The following KCNC1 variants were observed in gnomAD, a reference collection of about 807,000 sequenced individuals.
KCNC1 encodes voltage-gated potassium channel KCNC1.
In KCNC1, 8 loss-of-function variants were observed where a neutral mutation model predicts 43.4. The ratio of observed to expected loss-of-function variants is 0.18; its 90% CI spans 0.11 to 0.33. KCNC1 has a LOEUF of 0.33. KCNC1 is among the 10% of genes least tolerant of loss of function. The pLI is 1.00. For missense variants in KCNC1, 420 were observed against 836.0 expected (o/e 0.50, Z 6.14); for synonymous variants, 361 against 360.5 (o/e 1.00, Z -0.01).
At chr11:17,769,792 CAGGAG>C (rs1849201566) in intron 1 of KCNC1, among the ~76,000 whole-genome samples, 1 of 152,142 alleles carries the variant, frequency 6.6e-6, no homozygotes, top group Admixed American at 6.6e-5. Context: ...GATAGTGGCT[CAGGAG>C]ACAGTTTTCT....
intron 1 of KCNC1, among the ~76,000 whole-genome samples, chr11:17,740,740 C>T (rs958789119): frequency 6.6e-6 from 1 of 152,102 alleles, no homozygotes; most frequent in Non-Finnish European, 1.5e-5. Flanking sequence ...CTGGGGAAGC[C>T]CCACCTCCAT....
At position 17,736,070 on chromosome 11, in the gene KCNC1, G is replaced by T. The variant is rs1158193192; in HGVS notation, c.68G>T (p.Arg23Leu). 1 of 1,598,028 alleles carries T rather than the reference G, an allele frequency of 6.3e-7. No individual in the cohort carries two copies. The highest frequency in any genetic ancestry group is 8.5e-7 in the Non-Finnish European group (1 of 1,172,782). The change falls in exon 1 of 4, where the codon CGC (arginine) becomes CTC (leucine). Residue 23 changes from arginine to leucine, a missense_variant. Arg to Leu is a moderately radical substitution (Grantham distance 102). Transcript: ENST00000265969. This position sits in a 1 kb window ranked among gnomAD's most constrained non-coding sequence, Gnocchi z 9.3. ...NVGGTRHQTYRSTLRTLPGTR... is the reference protein window; with the variant it reads ...NVGGTRHQTYLSTLRTLPGTR... ...GGCGGCACGCGCCACCAGACGTACC[G>T]CTCGACCCTGCGCACGCTGCCCGGC...
At chr11:17,775,603 G>A in intron 2 of KCNC1, 1 of 985,610 alleles carries the variant, frequency 1.0e-6, no homozygotes, top group Non-Finnish European at 1.2e-6. Context: ...TGCATCTGCA[G>A]TCGGATGCCC....
At chr11:17,741,322 C>T (rs143473828) in intron 1 of KCNC1, among the ~76,000 whole-genome samples, 2,237 of 151,642 alleles carry the variant, frequency 0.015, 29 homozygotes, top group Non-Finnish European at 0.02. Flanking sequence ...ACCGTCCTCA[C>T]GAGGTTGGTG....
intron 2 of KCNC1, chr11:17,775,041 C>T (rs1435599321): frequency 3.0e-6 from 3 of 985,356 alleles, no homozygotes; most frequent in Admixed American, 1.2e-4. Flanking sequence ...AGCCATGCAC[C>T]TAGATGGGCA....
chr11:17,766,431 GATCACTC>G (rs1413440222), intron 1 of KCNC1, among the ~76,000 whole-genome samples: 1 of 152,176 alleles, frequency 6.6e-6, no homozygotes, highest in African/African-American at 2.4e-5. Context: ...TTGGGAAGCA[GATCACTC>G]ATGTGGGAAG....
At chr11:17,753,310 C>T (rs1036291840) in intron 1 of KCNC1, among the ~76,000 whole-genome samples, 11 of 152,244 alleles carry the variant, frequency 7.2e-5, no homozygotes, top group Non-Finnish European at 1.5e-5. Flanking sequence ...CCTAGCATAG[C>T]AGGTGGTGCC....
rs749524792 is a variant in KCNC1, at chr11:17,773,186, G to A, written c.1504+588G>A. Reference sequence around the variant, plus strand: ...GCCCTGATTTCGGGCTGCCCAGCTCGAGGTCCTTCCCAGGAGACGCCTGTA... The same window carrying A: ...GCCCTGATTTCGGGCTGCCCAGCTCAAGGTCCTTCCCAGGAGACGCCTGTA... On this transcript the variant is annotated intron_variant, in intron 2 of 3. Transcript: ENST00000265969. This position sits in a 1 kb window ranked among gnomAD's most constrained non-coding sequence, Gnocchi z 4.1. 1.4e-4 allele frequency: 141 copies of A among 986,494 alleles called. No homozygotes were observed. Among genetic ancestry groups the A allele is most frequent in the Non-Finnish European group, 1.6e-4 (133 of 830,858 alleles). 61.1% of individuals were successfully genotyped at this position (986,494 alleles called of 1,614,324 possible). A position where few individuals can be genotyped will look rare whatever the true frequency, so the allele number is the denominator to read the frequency against.
chr11:17,769,104 C>T (rs949525564), intron 1 of KCNC1, among the ~76,000 whole-genome samples: 2 of 152,354 alleles, frequency 1.3e-5, no homozygotes, highest in Middle Eastern at 3.4e-3. Context: ...CTCTCAAGTG[C>T]GCCCACATTA....
chr11:17,759,072 C>T (rs1252633357), intron 1 of KCNC1, among the ~76,000 whole-genome samples: 2 of 152,260 alleles, frequency 1.3e-5, no homozygotes, highest in Non-Finnish European at 2.9e-5. Flanking sequence ...GGTGTAGCCA[C>T]TTTCATCAGT....
chr11:17,769,685 AAAAT>A (rs1157193407), intron 1 of KCNC1, among the ~76,000 whole-genome samples: 10 of 152,106 alleles, frequency 6.6e-5, no homozygotes, highest in South Asian at 4.2e-4. Flanking sequence ...CTGCAAAATA[AAAAT>A]AAATAAATAA....
At position 17,735,771 on chromosome 11, in the gene KCNC1, C is replaced by T; in HGVS notation, c.-232C>T. On this transcript the variant is annotated 5_prime_UTR_variant, in exon 1 of 4. Transcript: ENST00000265969. This position sits in a 1 kb window ranked among gnomAD's most constrained non-coding sequence, Gnocchi z 6.7. ...CGGACCAGCTCCCTCCCACATCTGG[C>T]TCCTAGAGACCCCTGGGATCCCGCG... is the stretch of plus-strand genomic sequence containing the variant. 2.4e-6 allele frequency: 1 copy of T among 409,626 alleles called. No homozygotes were observed. 25.4% of individuals were successfully genotyped at this position (409,626 alleles called of 1,614,324 possible).
rs1339689473 is a variant in KCNC1, at chr11:17,776,434, A to C, written c.1505-3022A>C. 3 of 985,284 alleles carry C rather than the reference A, an allele frequency of 3.0e-6. No individual in the cohort carries two copies. Among genetic ancestry groups the C allele is most frequent in the African/African-American group, 1.7e-5 (1 of 57,228 alleles). The allele number at this position is 985,284 out of a possible 1,614,324, so 61.0% of individuals were successfully genotyped here. On this transcript the variant is annotated intron_variant, in intron 2 of 3. Coordinates refer to ENST00000265969, the MANE Select transcript of KCNC1 (RefSeq NM_001112741.2). This position sits in a 1 kb window ranked among gnomAD's most constrained non-coding sequence, Gnocchi z 4.4. ...TCCGGTGCCCGCAGCTGGTGTGAAC[A>C]GTAAGTACTTTGGCGGTGCCTGGAG...
rs547684480 is a variant in KCNC1 at position 17,739,480 on chromosome 11, G to A, written c.570+2908G>A. ...GTGAGAGAGGCGGATTCTGTGTTTT[G>A]GATGGACTGTGCGTGTGTGAGAATG... On this transcript the variant is annotated intron_variant, in intron 1 of 3. Coordinates refer to ENST00000265969, the MANE Select transcript of KCNC1 (RefSeq NM_001112741.2). This position sits in a 1 kb window ranked among gnomAD's most constrained non-coding sequence, Gnocchi z 4.2. 6.6e-6 allele frequency among the ~76,000 whole-genome samples: 1 copy of A among 151,366 alleles called. No homozygotes were observed. The highest frequency in any genetic ancestry group is 2.4e-5 in the African/African-American group (1 of 41,154).
chr11:17,752,647 G>A (rs1848981826), intron 1 of KCNC1, among the ~76,000 whole-genome samples: 1 of 152,220 alleles, frequency 6.6e-6, no homozygotes, highest in Non-Finnish European at 1.5e-5. Flanking sequence ...AAGTGCATGT[G>A]TTCTGGAGTC....
chr11:17,776,493 G>A lies in KCNC1; in HGVS notation c.1505-2963G>A. On this transcript the variant is annotated intron_variant, in intron 2 of 3. Coordinates refer to ENST00000265969, the MANE Select transcript of KCNC1 (RefSeq NM_001112741.2). The surrounding 1 kb of genome is among the most constrained non-coding windows in gnomAD (Gnocchi z 4.4). Reference sequence around the variant, plus strand: ...AGAAAAGCCAGCTGTGCTGACTGAGGGCCCAGCCTCGGGTTCTCCTTGCTC... The same window carrying A: ...AGAAAAGCCAGCTGTGCTGACTGAGAGCCCAGCCTCGGGTTCTCCTTGCTC... The A allele has an allele frequency of 1.0e-6, 1 of 985,450 alleles. No individual in the cohort carries two copies. The highest frequency in any genetic ancestry group is 1.2e-6 in the Non-Finnish European group (1 of 829,966). 61.0% of individuals were successfully genotyped at this position (985,450 alleles called of 1,614,324 possible).
chr11:17,776,827 G>T lies in KCNC1; in HGVS notation c.1505-2629G>T. The T allele has an allele frequency of 1.0e-6, 1 of 985,636 alleles. No homozygotes were observed. The highest frequency in any genetic ancestry group is 1.2e-6 in the Non-Finnish European group (1 of 830,168). The allele number at this position is 985,636 out of a possible 1,614,324, so 61.1% of individuals were successfully genotyped here. On this transcript the variant is annotated intron_variant, in intron 2 of 3. Coordinates refer to ENST00000265969, the MANE Select transcript of KCNC1 (RefSeq NM_001112741.2). The surrounding 1 kb of genome is among the most constrained non-coding windows in gnomAD (Gnocchi z 4.4). The stretch of plus-strand genomic sequence containing the variant: ...CCCTCGTTGGTTTCTCTTTCTTCAA[G>T]CCACCCCTCTGGAGTTGGGGAGGGA...
rs1323839284 is a variant in KCNC1, at chr11:17,739,328, CTT to C, written c.570+2757_570+2758del. Among the ~76,000 whole-genome samples, 3 of 150,782 alleles carry C rather than the reference CTT, an allele frequency of 2.0e-5. No individual in the cohort carries two copies. The highest frequency in any genetic ancestry group is 1.3e-4 in the Admixed American group (2 of 15,144). ...AGAGATTGTGTGTGAGTGTGAGAGA[CTT>C]GTGTGTGTGAGAATAAATGTGAGAC... is the stretch of plus-strand genomic sequence containing the variant. On this transcript the variant is annotated intron_variant, in intron 1 of 3. Transcript: ENST00000265969. This position sits in a 1 kb window ranked among gnomAD's most constrained non-coding sequence, Gnocchi z 4.2.
intron 2 of KCNC1, chr11:17,774,833 T>G (rs961995511): frequency 3.2e-5 from 32 of 985,296 alleles, no homozygotes; most frequent in Non-Finnish European, 3.6e-5. Flanking sequence ...AAGCACTCAC[T>G]TCCCGGTGGT....
Sources: allele counts gnomAD v4.1 joint callset (sites outside exome capture counted in the v4.1 genomes callset), GRCh38; gene constraint gnomAD v4.1.1; non-coding constraint Gnocchi (gnomAD v3.1); transcripts MANE v1.5; gene names NCBI Gene and HGNC (gene_info 2026-07-23, HGNC 2026-07-21).